DLGAP1: variants seen among roughly 807,000 people sequenced by gnomAD.
DLGAP1 encodes the protein DLG associated protein 1.
A neutral mutation model predicts 90.8 loss-of-function variants in DLGAP1; 11 were observed. The ratio of observed to expected loss-of-function variants is 0.12; its 90% CI spans 0.08 to 0.20. DLGAP1 has a LOEUF of 0.20. Among genes scored for constraint, DLGAP1 ranks in the 10% least tolerant of loss-of-function variants. The pLI, the probability that DLGAP1 is intolerant of heterozygous loss-of-function variation, is 1.00. For missense variants in DLGAP1, 1,050 were observed against 1,333.8 expected, an observed-to-expected ratio of 0.79 and a Z score of 3.31; for synonymous variants, 558 against 540.7, an observed-to-expected ratio of 1.03 and a Z score of -0.44.
chr18:3,974,253 T>C (rs2073522119), intron 3 of DLGAP1, among the ~76,000 whole-genome samples: 1 of 152,000 alleles, frequency 6.6e-6, no homozygotes, highest in African/African-American at 2.4e-5. Flanking sequence ...TTTTTTGTAT[T>C]TTAGTAGAGA....
At chr18:3,767,102 A>C (rs2064281975) in intron 5 of DLGAP1, among the ~76,000 whole-genome samples, 1 of 152,166 alleles carries the variant, frequency 6.6e-6, no homozygotes, top group South Asian at 2.1e-4. Context: ...GAGATTCTGC[A>C]GGTATAAAGG....
intron 1 of DLGAP1, among the ~76,000 whole-genome samples, chr18:4,194,110 C>T (rs140593109): frequency 1.2e-3 from 178 of 152,202 alleles, no homozygotes; most frequent in African/African-American, 4.0e-3. Flanking sequence ...TCCTCTCACC[C>T]AGGTACTGAG....
chr18:3,583,146 CT>C (rs1441266754), intron 7 of DLGAP1, among the ~76,000 whole-genome samples: 7 of 83,724 alleles, frequency 8.4e-5, no homozygotes, highest in Admixed American at 5.8e-4. Flanking sequence ...ACTGACCGAC[CT>C]ACCTACCTAC....
At chr18:3,611,963 G>A (rs1310834200) in intron 7 of DLGAP1, among the ~76,000 whole-genome samples, 1 of 152,216 alleles carries the variant, frequency 6.6e-6, no homozygotes, top group Non-Finnish European at 1.5e-5. Flanking sequence ...GCTTACCATG[G>A]TAACAAGCCA....
rs2054350834 is a variant in DLGAP1, at chr18:3,565,072, G to A, written c.2057+2418C>T. 6.6e-6 allele frequency among the ~76,000 whole-genome samples: 1 copy of A among 152,170 alleles called. No individual in the cohort carries two copies. Among genetic ancestry groups the A allele is most frequent in the Admixed American group, 6.5e-5 (1 of 15,276 alleles). ...GGGCACAGCCAGGATTTGGTGTTCT[G>A]GCTCAAGAGTCTGTGCTGTCAACCA... is the stretch of plus-strand genomic sequence containing the variant. On this transcript the variant is annotated intron_variant, in intron 9 of 12. Transcript: ENST00000315677. The surrounding 1 kb of genome is among the most constrained non-coding windows in gnomAD (Gnocchi z 4.0).
intron 7 of DLGAP1, among the ~76,000 whole-genome samples, chr18:3,667,448 T>C (rs2059925272): frequency 6.6e-6 from 1 of 152,130 alleles, no homozygotes; most frequent in South Asian, 2.1e-4. Flanking sequence ...TAGTAGCATA[T>C]ACCATCTAGT....
In DLGAP1 at chr18:3,584,781, C is replaced by G. The variant is rs116110399; in HGVS notation, c.1592-2533G>C. Among the ~76,000 whole-genome samples the G allele has an allele frequency of 7.0e-3, 1,070 of 152,164 alleles. 16 individuals are homozygous for G. The highest frequency in any genetic ancestry group is 0.025 in the African/African-American group (1,025 of 41,508). On this transcript the variant is annotated intron_variant, in intron 7 of 12. Transcript: ENST00000315677. ...TCTCTCTTTTTTTTAGAGATAGGGT[C>G]TCACTCTGTCATCAGGTTGGAAGGC...
intron 1 of DLGAP1, among the ~76,000 whole-genome samples, chr18:4,373,542 G>A (rs2081958971): frequency 6.6e-6 from 1 of 152,118 alleles, no homozygotes; most frequent in Non-Finnish European, 1.5e-5. Context: ...ATCAAAACAT[G>A]CATCTGCACA....
intron 7 of DLGAP1, among the ~76,000 whole-genome samples, chr18:3,637,486 G>A (rs555174341): frequency 2.0e-5 from 3 of 150,540 alleles, no homozygotes; most frequent in East Asian, 2.0e-4. Flanking sequence ...GTAATCCCAG[G>A]ACTTTGGGAG....
At chr18:4,193,123 G>C (rs1431057258) in intron 1 of DLGAP1, among the ~76,000 whole-genome samples, 1 of 152,202 alleles carries the variant, frequency 6.6e-6, no homozygotes, top group African/African-American at 2.4e-5. Context: ...GTGTTATCAA[G>C]TGCATTGGTA....
intron 5 of DLGAP1, among the ~76,000 whole-genome samples, chr18:3,752,637 C>G (rs139885280): frequency 0.019 from 2,707 of 145,234 alleles, 47 homozygotes; most frequent in Middle Eastern, 0.086. Context: ...TCCCCACCCC[C>G]CTCTCTCTCT....
chr18:3,668,705 A>C (rs2059968977), intron 7 of DLGAP1, among the ~76,000 whole-genome samples: 1 of 152,176 alleles, frequency 6.6e-6, no homozygotes, highest in Non-Finnish European at 1.5e-5. Context: ...TAAATGAGAA[A>C]TAGAATGCTT....
intron 5 of DLGAP1, among the ~76,000 whole-genome samples, chr18:3,800,695 G>C (rs567408203): frequency 6.6e-6 from 1 of 151,874 alleles, no homozygotes; most frequent in South Asian, 2.1e-4. Flanking sequence ...AATATTTCTT[G>C]GTGGTGTTAA....
chr18:3,496,161 T>C lies in DLGAP1; in HGVS notation c.*3024A>G, dbSNP rs2049691031. The C allele has an allele frequency of 6.6e-6, 1 of 152,184 alleles. No individual in the cohort carries two copies. Among genetic ancestry groups the C allele is most frequent in the South Asian group, 2.1e-4 (1 of 4,830 alleles). 9.4% of individuals were successfully genotyped at this position (152,184 alleles called of 1,614,324 possible). A position where few individuals can be genotyped will look rare whatever the true frequency, so the allele number is the denominator to read the frequency against. On this transcript the variant is annotated 3_prime_UTR_variant, in exon 13 of 13. Coordinates refer to ENST00000315677, the MANE Select transcript of DLGAP1 (RefSeq NM_004746.4). The stretch of plus-strand genomic sequence containing the variant: ...TATGAAATTCCAATTCATAAAGCCA[T>C]AAAAATGTTCCCACCCCTCCATCTG...
chr18:4,303,582 T>C (rs2080179226), intron 1 of DLGAP1, among the ~76,000 whole-genome samples: 1 of 152,184 alleles, frequency 6.6e-6, no homozygotes. Flanking sequence ...TTCAAATTTT[T>C]TTCTCCAAAC....
At chr18:4,008,307 G>A (rs1034153401) in intron 2 of DLGAP1, among the ~76,000 whole-genome samples, 9 of 151,712 alleles carry the variant, frequency 5.9e-5, no homozygotes, top group Non-Finnish European at 1.0e-4. Flanking sequence ...CAGCTCTTCC[G>A]TAAAATAAAC....
intron 1 of DLGAP1, among the ~76,000 whole-genome samples, chr18:4,263,169 T>G (rs898584271): frequency 6.6e-6 from 1 of 152,152 alleles, no homozygotes; most frequent in Admixed American, 6.5e-5. Flanking sequence ...CTTGACCTCG[T>G]GATCTGCCCA....
intron 2 of DLGAP1, among the ~76,000 whole-genome samples, chr18:4,067,675 C>T (rs975486841): frequency 6.6e-6 from 1 of 151,916 alleles, no homozygotes; most frequent in Admixed American, 6.6e-5. Flanking sequence ...CATAACACAA[C>T]CCCTTATCTT....
At chr18:3,725,215 C>A (rs982760035) in intron 7 of DLGAP1, among the ~76,000 whole-genome samples, 55 of 152,216 alleles carry the variant, frequency 3.6e-4, no homozygotes, top group African/African-American at 1.2e-3. Flanking sequence ...AATTAGATCA[C>A]CACATATGAT....
Sources: allele counts gnomAD v4.1 joint callset (sites outside exome capture counted in the v4.1 genomes callset), GRCh38; gene constraint gnomAD v4.1.1; non-coding constraint Gnocchi (gnomAD v3.1); transcripts MANE v1.5; gene names NCBI Gene and HGNC (gene_info 2026-07-23, HGNC 2026-07-21).